The following DSP variants were observed in gnomAD, a reference collection of about 807,000 sequenced individuals.
DSP encodes the protein 250/210 kDa paraneoplastic pemphigus antigen.
DSP carries 114 observed loss-of-function variants against 290.6 expected under a neutral mutation model. The ratio of observed to expected loss-of-function variants is 0.39; its 90% CI spans 0.34 to 0.46. DSP has a LOEUF of 0.46. DSP is among the 20% of genes least tolerant of loss of function. The pLI, the probability that DSP is intolerant of heterozygous loss-of-function variation, is 0.99. For missense variants in DSP, 3,230 were observed against 3,495.8 expected (o/e 0.92, Z 1.92); for synonymous variants, 1,311 against 1,316.4 (o/e 1.00, Z 0.09).
intron 1 of DSP, among the ~76,000 whole-genome samples, chr6:7,543,597 C>G (rs1375316372): frequency 6.6e-6 from 1 of 152,086 alleles, no homozygotes; most frequent in Non-Finnish European, 1.5e-5. Context: ...CCGCAGTCCT[C>G]CAGGATTTGA....
chr6:7,570,642 C>A (rs1759017896), intron 13 of DSP, 79 bp downstream of exon 13: 1 of 1,595,246 alleles, frequency 6.3e-7, no homozygotes, highest in African/African-American at 1.3e-5. Context: ...AACAGTTCAA[C>A]CTTCTTGCTG....
rs554474378 is a variant in DSP at position 7,563,870 on chromosome 6, C to A, written c.777+84C>A. ...TCAAGAAATATCAAGCACATCCTGG[C>A]GGGGAGGCACCTGTTCATCGATGCT... On this transcript the variant is annotated intron_variant, in intron 6 of 23. Coordinates refer to ENST00000379802, the MANE Select transcript of DSP (RefSeq NM_004415.4). The A allele has an allele frequency of 4.8e-6, 6 of 1,240,114 alleles. No individual in the cohort carries two copies. The African/African-American group carries it at 5.9e-5, about 12-fold the overall frequency. 76.8% of individuals were successfully genotyped at this position (1,240,114 alleles called of 1,614,324 possible).
At chr6:7,555,845 T>C in intron 2 of DSP, 25 bp downstream of exon 2, 1 of 1,608,136 alleles carries the variant, frequency 6.2e-7, no homozygotes, top group Admixed American at 1.7e-5. Context: ...TTCCCATCGC[T>C]TCTCCCAAAG....
rs1759477326 is a variant in DSP, at chr6:7,582,699, G to C, written c.5437G>C (p.Glu1813Gln). Residue 1813 changes from glutamate to glutamine, a missense_variant, in exon 24 of 24, where the codon GAG becomes CAG. By Grantham distance (29) the Glu-to-Gln change is conservative (BLOSUM62 2). Transcript: ENST00000379802. The surrounding 1 kb of genome is among the most constrained non-coding windows in gnomAD (Gnocchi z 4.2). ...GTGTACTCAGGTGGTACAGGAAAGA[G>C]AGAGCCTTCTGGTGAAAATCAAAGT... ...NQCTQVVQERESLLVKIKVLE... is the reference protein window; with the variant it reads ...NQCTQVVQERQSLLVKIKVLE... 1.2e-6 allele frequency: 2 copies of C among 1,613,738 alleles called. No individual in the cohort carries two copies. The highest frequency in any genetic ancestry group is 1.7e-6 in the Non-Finnish European group (2 of 1,179,882).
chr6:7,572,090 G>C (rs778890778), intron 15 of DSP, 22 bp downstream of exon 15: 1 of 1,598,332 alleles, frequency 6.3e-7, no homozygotes, highest in East Asian at 2.2e-5. Context: ...CTAGTATTTT[G>C]CCTGGTTACC....
rs1554106248 is a variant in DSP, at chr6:7,562,788, T to C, written c.726+8T>C. Reference sequence around the variant, plus strand: ...AAAATCAAAGCCGACCTGGTACTTGTCTGTGTTTCATTTTAGAGTCTTCAA... The same window carrying C: ...AAAATCAAAGCCGACCTGGTACTTGCCTGTGTTTCATTTTAGAGTCTTCAA... On this transcript the variant is annotated splice_region_variant and intron_variant, in intron 5 of 23. Coordinates refer to ENST00000379802, the MANE Select transcript of DSP (RefSeq NM_004415.4). 1 of 1,613,874 alleles carries C rather than the reference T, an allele frequency of 6.2e-7. No homozygotes were observed. Among genetic ancestry groups the C allele is most frequent in the Non-Finnish European group, 8.5e-7 (1 of 1,179,928 alleles).
intron 1 of DSP, among the ~76,000 whole-genome samples, chr6:7,543,990 C>A: frequency 6.6e-6 from 1 of 152,130 alleles, no homozygotes; most frequent in East Asian, 1.9e-4. Context: ...AACTTAAAGC[C>A]TACTTACAAA....
chr6:7,583,149 A>G lies in DSP; in HGVS notation c.5887A>G (p.Thr1963Ala), dbSNP rs1485313944. The G allele has an allele frequency of 1.9e-6, 3 of 1,613,854 alleles. No individual in the cohort carries two copies. The highest frequency in any genetic ancestry group is 1.3e-5 in the African/African-American group (1 of 74,836). The change falls in exon 24 of 24, where the codon ACC (threonine) becomes GCC (alanine). Residue 1963 changes from threonine (T) to alanine (A), a missense_variant. Thr to Ala is a moderately conservative substitution (Grantham distance 58). Around this residue, in one of 5 missense-constraint regions of DSP, gnomAD observed 1,714 missense variants for 1,844.5 expected, o/e 0.93. Transcript: ENST00000379802. The surrounding 1 kb of genome is among the most constrained non-coding windows in gnomAD (Gnocchi z 4.0). ...TQTECEWTVDTSKLVFDGLRK... is the reference protein window; with the variant it reads ...TQTECEWTVDASKLVFDGLRK... ...GACTGAGTGTGAGTGGACCGTTGAC[A>G]CCTCCAAGCTGGTGTTTGATGGGCT...
intron 6 of DSP, among the ~76,000 whole-genome samples, chr6:7,564,973 G>A (rs1173559385): frequency 1.3e-5 from 2 of 152,092 alleles, no homozygotes; most frequent in East Asian, 1.9e-4. Context: ...GTGAAACCCC[G>A]TCTCTACTAA....
Position 7,562,644 on chromosome 6 carries a change from T to G in DSP, c.598-8T>G. On this transcript the variant is annotated splice_polypyrimidine_tract_variant and splice_region_variant and intron_variant, in intron 4 of 23. Coordinates refer to ENST00000379802, the MANE Select transcript of DSP (RefSeq NM_004415.4). ...CAAAGGGCGCCTCTCTTTGTCTTTG[T>G]GTCGCAGGCGGAGATGGACATGGTG... is the stretch of plus-strand genomic sequence containing the variant. The G allele has an allele frequency of 6.2e-7, 1 of 1,614,136 alleles. No individual in the cohort carries two copies. The highest frequency in any genetic ancestry group is 8.5e-7 in the Non-Finnish European group (1 of 1,179,996).
intron 6 of DSP, 119 bp downstream of exon 6, chr6:7,563,905 GC>G: frequency 1.1e-6 from 1 of 919,834 alleles, no homozygotes. Flanking sequence ...TAATGTTGTT[GC>G]TGCTGCTGAG....
intron 2 of DSP, among the ~76,000 whole-genome samples, chr6:7,557,375 T>G (rs566508883): frequency 6.6e-6 from 1 of 152,316 alleles, no homozygotes; most frequent in Non-Finnish European, 1.5e-5. Context: ...GGCAGAAGCC[T>G]TCTTTTTAAG....
chr6:7,559,452 C>T (rs773115709), intron 4 of DSP, 52 bp downstream of exon 4: 10 of 1,607,394 alleles, frequency 6.2e-6, no homozygotes, highest in South Asian at 2.2e-5. Context: ...CGTTCCAGCA[C>T]GATGGGGTCA....
chr6:7,578,412 A>C, intron 21 of DSP, 52 bp from the exon 22 acceptor site: 1 of 1,430,530 alleles, frequency 7.0e-7, no homozygotes, highest in Non-Finnish European at 9.8e-7. Flanking sequence ...ATTACATAGG[A>C]CTTTTTTTTT....
intron 1 of DSP, among the ~76,000 whole-genome samples, chr6:7,552,191 C>G (rs1205186034): frequency 6.6e-6 from 1 of 152,094 alleles, no homozygotes; most frequent in African/African-American, 2.4e-5. Flanking sequence ...TGTGCATTCC[C>G]CATTCCTATA....
rs1321775745 is a variant in DSP at position 7,570,527 on chromosome 6, T to C, written c.1665T>C (p.Ile555=). 13 of 1,613,918 alleles carry C rather than the reference T, an allele frequency of 8.1e-6. No individual in the cohort carries two copies. The highest frequency in any genetic ancestry group is 1.1e-5 in the Non-Finnish European group (13 of 1,180,012). Residue 555 remains isoleucine, a synonymous_variant, in exon 13 of 24, where the codon ATT becomes ATC. Transcript: ENST00000379802. ...TGGTGTCCTGGCACTACTGCATGAT[T>C]GACATAGAGAAGATCAGGGCCATGA... The part of the protein sequence containing the change: ...KSLVSWHYCM[I]DIEKIRAMTI...
chr6:7,581,181 T>G lies in DSP; in HGVS notation c.4991T>G (p.Leu1664Arg), dbSNP rs746139953. The G allele has an allele frequency of 5.6e-6, 9 of 1,614,186 alleles. No homozygotes were observed. Among genetic ancestry groups the G allele is most frequent in the Non-Finnish European group, 7.6e-6 (9 of 1,180,036 alleles). The change falls in exon 23 of 24, where the codon CTG becomes CGG. Residue 1664 changes from leucine (L) to arginine (R), a missense_variant. Leu to Arg is a moderately radical substitution (Grantham distance 102). Around this residue, in one of 5 missense-constraint regions of DSP, gnomAD observed 1,714 missense variants for 1,844.5 expected, o/e 0.93. Transcript: ENST00000379802. ...AGGCTCTCTTCTGAGGTCGAGGCCC[T>G]GAGGCGGCAGTTACTCCAGGAACAG... is the stretch of plus-strand genomic sequence containing the variant. ...LRRLSSEVEA[L>R]RRQLLQEQES... is the part of the protein sequence containing the mutation.
At position 7,583,522 on chromosome 6, in the gene DSP, A is replaced by G. The variant is rs1244910374; in HGVS notation, c.6260A>G (p.Tyr2087Cys). Residue 2087 changes from tyrosine (Y) to cysteine (C), a missense_variant, in exon 24 of 24, where the codon TAT becomes TGT. Tyr to Cys is a radical substitution (Grantham distance 194, BLOSUM62 -2). This residue lies in a region of DSP where 1,714 missense variants were observed against 1,844.5 expected (regional missense o/e 0.93). Transcript: ENST00000379802. The surrounding 1 kb of genome is among the most constrained non-coding windows in gnomAD (Gnocchi z 4.0). ...LIDFDDRQQI[Y>C]AAEKAITGFD... ...GACTTCGATGACCGTCAGCAGATAT[A>G]TGCAGCAGAAAAAGCTATCACTGGT... 4 of 1,614,192 alleles carry G rather than the reference A, an allele frequency of 2.5e-6. No individual in the cohort carries two copies. The highest frequency in any genetic ancestry group is 1.1e-5 in the South Asian group (1 of 91,080).
intron 11 of DSP, 23 bp from the exon 12 acceptor site, chr6:7,569,163 C>T: frequency 1.2e-6 from 2 of 1,614,112 alleles, no homozygotes; most frequent in Non-Finnish European, 1.7e-6. Context: ...TAAAGCCAAA[C>T]CCTGGGGTTG....
Sources: gnomAD v4.1 joint callset for allele counts (sites outside exome capture counted in the v4.1 genomes callset) on GRCh38, gnomAD v4.1.1 for gene constraint, gnomAD v4.1.1 regional missense constraint, Gnocchi (gnomAD v3.1) non-coding constraint, MANE v1.5 for transcripts, NCBI Gene and HGNC (gene_info 2026-07-23, HGNC 2026-07-21) for gene names.